The following ACSBG1 variants were observed in gnomAD, a reference collection of about 807,000 sequenced individuals.
The protein encoded by ACSBG1 is acyl-CoA synthetase bubblegum family member 1, also known as long-chain-fatty-acid--CoA ligase ACSBG1.
A neutral mutation model predicts 80.2 loss-of-function variants in ACSBG1; 39 were observed. The ratio of observed to expected loss-of-function variants is 0.49; its 90% CI spans 0.38 to 0.64. ACSBG1 has a LOEUF of 0.64. Ranked by LOEUF, ACSBG1 falls within the 30% of genes least tolerant of loss-of-function variation. ACSBG1 has a pLI of 0.00. For synonymous variants in ACSBG1, 392 were observed against 379.5 expected (o/e 1.03, Z -0.38); for missense variants, 828 against 966.4 (o/e 0.86, Z 1.90).
At chr15:78,173,325 A>G (rs907604914) in intron 13 of ACSBG1, among the ~76,000 whole-genome samples, 1 of 121,508 alleles carries the variant, frequency 8.2e-6, no homozygotes, top group Non-Finnish European at 1.6e-5. Context: ...AGCCTGGGTG[A>G]CACAGCGAGA....
At chr15:78,201,726 A>T (rs569340667) in intron 2 of ACSBG1, among the ~76,000 whole-genome samples, 49 of 152,364 alleles carry the variant, frequency 3.2e-4, no homozygotes, top group Admixed American at 7.2e-4. Context: ...ATAGAAGAAG[A>T]AGTCTCTGGA....
intron 1 of ACSBG1, among the ~76,000 whole-genome samples, chr15:78,230,216 G>C (rs925234500): frequency 6.6e-6 from 1 of 152,188 alleles, no homozygotes; most frequent in East Asian, 1.9e-4. Flanking sequence ...GCCAGAGCAG[G>C]GCCAGTGTTA....
chr15:78,232,669 CATTT>C (rs2075456125), intron 1 of ACSBG1, among the ~76,000 whole-genome samples: 1 of 151,862 alleles, frequency 6.6e-6, no homozygotes, highest in Non-Finnish European at 1.5e-5. Context: ...GCTCTGGGCA[CATTT>C]ATTTCTTTTT....
At chr15:78,227,136 T>G (rs1410886398) in intron 1 of ACSBG1, among the ~76,000 whole-genome samples, 1 of 147,782 alleles carries the variant, frequency 6.8e-6, no homozygotes, top group Admixed American at 6.9e-5. Flanking sequence ...CGAGAATTGC[T>G]TGAACCTGGG....
chr15:78,231,247 A>C (rs539707878), intron 1 of ACSBG1, among the ~76,000 whole-genome samples: 3 of 152,132 alleles, frequency 2.0e-5, no homozygotes, highest in African/African-American at 7.2e-5. Context: ...CAGCCTCTCA[A>C]GTAGCTGGGA....
intron 1 of ACSBG1, among the ~76,000 whole-genome samples, chr15:78,216,134 A>G (rs762118998): frequency 6.6e-6 from 1 of 152,200 alleles, no homozygotes; most frequent in Non-Finnish European, 1.5e-5. Flanking sequence ...CAAAGTTGGA[A>G]TTGATTTCTT....
chr15:78,218,589 C>T (rs1327933521), intron 1 of ACSBG1, among the ~76,000 whole-genome samples: 1 of 152,168 alleles, frequency 6.6e-6, no homozygotes, highest in Non-Finnish European at 1.5e-5. Flanking sequence ...GTGCCAGGCA[C>T]TGTTCCAATT....
In ACSBG1 at chr15:78,169,152, A is replaced by C. The variant is rs2141308497; in HGVS notation, c.*2292T>G. On this transcript the variant is annotated 3_prime_UTR_variant, in exon 14 of 14. Transcript: ENST00000258873. ...GGCCTTTTCTTAACAAAATCTGTGC[A>C]AAAGATGCAGGTGGATGTCCCTAGG... The C allele has an allele frequency of 2.0e-6, 1 of 489,416 alleles. No homozygotes were observed. The highest frequency in any genetic ancestry group is 5.1e-4 in the Middle Eastern group (1 of 1,948). 30.3% of individuals were successfully genotyped at this position (489,416 alleles called of 1,614,324 possible).
intron 1 of ACSBG1, 25 bp downstream of exon 1, chr15:78,234,346 T>C: frequency 1.2e-6 from 2 of 1,605,758 alleles, no homozygotes; most frequent in Non-Finnish European, 1.7e-6. Context: ...AGGTGCAGTG[T>C]GCAGAAACCC....
intron 1 of ACSBG1, among the ~76,000 whole-genome samples, chr15:78,227,854 A>G (rs2075416534): frequency 6.6e-6 from 1 of 152,212 alleles, no homozygotes. Context: ...CAATCTCACA[A>G]ACATTTCGAT....
chr15:78,229,885 G>C (rs528617566), intron 1 of ACSBG1, among the ~76,000 whole-genome samples: 2 of 152,222 alleles, frequency 1.3e-5, no homozygotes, highest in East Asian at 3.9e-4. Context: ...GCCTCTCTAG[G>C]CCCAGGAGTT....
At chr15:78,210,749 G>A (rs552950597) in intron 1 of ACSBG1, among the ~76,000 whole-genome samples, 1 of 152,286 alleles carries the variant, frequency 6.6e-6, no homozygotes, top group African/African-American at 2.4e-5. Context: ...GAGTAGCTGG[G>A]ACTACAGGAC....
At chr15:78,185,921 T>C (rs2074999593) in intron 5 of ACSBG1, among the ~76,000 whole-genome samples, 1 of 152,046 alleles carries the variant, frequency 6.6e-6, no homozygotes, top group Non-Finnish European at 1.5e-5. Context: ...AAAATGACTT[T>C]TAAAAAATGA....
intron 5 of ACSBG1, among the ~76,000 whole-genome samples, chr15:78,186,922 G>A (rs1055720431): frequency 1.9e-4 from 29 of 151,954 alleles, no homozygotes; most frequent in African/African-American, 5.6e-4. Flanking sequence ...TTGATAGACC[G>A]CTAGCAAGAC....
chr15:78,182,465 C>T lies in ACSBG1; in HGVS notation c.894+1G>A. On this transcript the variant is annotated splice_donor_variant, in intron 7 of 13. Transcript: ENST00000258873. LOFTEE classifies it high-confidence loss of function. ...CCCACCCCACCGGGCATCTGTCCTA[C>T]ATTGTCTTGACTCAGCATCACGCCC... 6.2e-7 allele frequency: 1 copy of T among 1,613,980 alleles called. No homozygotes were observed. Among genetic ancestry groups the T allele is most frequent in the Non-Finnish European group, 8.5e-7 (1 of 1,179,962 alleles).
intron 5 of ACSBG1, among the ~76,000 whole-genome samples, chr15:78,185,898 A>T (rs1040148035): frequency 1.3e-5 from 2 of 152,192 alleles, no homozygotes; most frequent in African/African-American, 4.8e-5. Flanking sequence ...GAACCCATAA[A>T]TCTAAATCAG....
chr15:78,207,686 G>A (rs1479638446), intron 2 of ACSBG1: 1 of 363,524 alleles, frequency 2.8e-6, no homozygotes, highest in African/African-American at 2.0e-5. Context: ...GCAACCCTTT[G>A]CTGGAGCCCC....
chr15:78,179,441 C>T, intron 10 of ACSBG1, 109 bp downstream of exon 10: 2 of 1,042,436 alleles, frequency 1.9e-6, no homozygotes, highest in Non-Finnish European at 2.8e-6. Flanking sequence ...GTCTCTGGGA[C>T]CCAACTGGCA....
At chr15:78,203,017 G>A (rs1224816949) in intron 2 of ACSBG1, among the ~76,000 whole-genome samples, 1 of 152,142 alleles carries the variant, frequency 6.6e-6, no homozygotes, top group East Asian at 1.9e-4. Flanking sequence ...ATGACATATG[G>A]AAATGTTCAC....
Sources: gnomAD v4.1 joint callset for allele counts (sites outside exome capture counted in the v4.1 genomes callset) on GRCh38, gnomAD v4.1.1 for gene constraint, MANE v1.5 for transcripts, NCBI Gene and HGNC (gene_info 2026-07-23, HGNC 2026-07-21) for gene names.